Variants in HMGB2 observed in about 807,000 individuals in gnomAD.
HMGB2 encodes high mobility group protein B2.
HMGB2 carries 2 observed loss-of-function variants against 23.0 expected under a neutral mutation model. That is an observed-to-expected ratio of 0.09 (90% CI 0.04 to 0.27). The LOEUF is 0.27. HMGB2 is among the 10% of genes least tolerant of loss of function. HMGB2 has a pLI of 1.00. For missense variants in HMGB2, 178 were observed against 256.5 expected (o/e 0.69, Z 2.09); for synonymous variants, 99 against 87.5 (o/e 1.13, Z -0.73).
intron 4 of HMGB2, 139 bp downstream of exon 4, chr4:173,332,682 G>T: frequency 1.3e-6 from 1 of 755,006 alleles, no homozygotes; most frequent in Non-Finnish European, 2.2e-6. Context: ...ACCTTGTGTT[G>T]AAGTGTACAA....
rs1239748437 is a variant in HMGB2, at chr4:173,332,241, G to A, written c.472-3C>T. ...TTGGCACGATATGCAGCAATATCCT[G>A]AAATATTGTCAAAAAAATAAAGCAT... On this transcript the variant is annotated splice_region_variant and splice_polypyrimidine_tract_variant and intron_variant, in intron 4 of 4. Coordinates refer to ENST00000296503, the MANE Select transcript of HMGB2 (RefSeq NM_002129.4). 3 of 1,554,724 alleles carry A rather than the reference G, an allele frequency of 1.9e-6. No homozygotes were observed. Among genetic ancestry groups the A allele is most frequent in the African/African-American group, 2.8e-5 (2 of 72,202 alleles).
Position 173,333,492 on chromosome 4 carries a change from T to G in HMGB2, c.150+8A>C, listed in dbSNP as rs1738161690. 2 of 1,611,634 alleles carry G rather than the reference T, an allele frequency of 1.2e-6. No individual in the cohort carries two copies. Among genetic ancestry groups the G allele is most frequent in the East Asian group, 4.5e-5 (2 of 44,846 alleles). ...CACCCCCTGAGCTCCGTCCCTCTCCTGCCTCACCTTCCATCTCTCCGAACA... is the reference window on the plus strand; with the variant it reads ...CACCCCCTGAGCTCCGTCCCTCTCCGGCCTCACCTTCCATCTCTCCGAACA... On this transcript the variant is annotated splice_region_variant and intron_variant, in intron 2 of 4. Transcript: ENST00000296503. The surrounding 1 kb of genome is among the most constrained non-coding windows in gnomAD (Gnocchi z 4.6).
chr4:173,332,155 G>T lies in HMGB2; in HGVS notation c.555C>A (p.Asn185Lys). 1 of 1,611,230 alleles carries T rather than the reference G, an allele frequency of 6.2e-7. No individual in the cohort carries two copies. The highest frequency in any genetic ancestry group is 8.5e-7 in the Non-Finnish European group (1 of 1,178,360). Residue 185 changes from asparagine to lysine, a missense_variant, in exon 5 of 5, where the codon AAC (asparagine) becomes AAA (lysine). By Grantham distance (94) the Asn-to-Lys change is moderately conservative (BLOSUM62 0). Around this residue, in one of 3 missense-constraint regions of HMGB2, gnomAD observed 45 missense variants for 38.8 expected, o/e 1.16. Transcript: ENST00000296503. ...PGRPTGSKKK[N>K]EPEDEEEEEE... Reference sequence around the variant, plus strand: ...CCTCCTCCTCCTCATCTTCTGGTTCGTTCTTCTTCTTTGAGCCTGTTGGCC... The same window carrying T: ...CCTCCTCCTCCTCATCTTCTGGTTCTTTCTTCTTCTTTGAGCCTGTTGGCC...
intron 4 of HMGB2, 136 bp from the exon 5 acceptor site, chr4:173,332,374 G>A (rs1417967496): frequency 1.5e-6 from 1 of 651,822 alleles, no homozygotes; most frequent in African/African-American, 1.8e-5. Context: ...TAAGTTTTTA[G>A]AGCACTTATC....
Position 173,332,809 on chromosome 4 carries a change from A to G in HMGB2, c.471+12T>C, listed in dbSNP as rs1738140249. 1 of 1,603,512 alleles carries G rather than the reference A, an allele frequency of 6.2e-7. No homozygotes were observed. Among genetic ancestry groups the G allele is most frequent in the Non-Finnish European group, 8.5e-7 (1 of 1,176,194 alleles). On this transcript the variant is annotated intron_variant, in intron 4 of 4. Transcript: ENST00000296503. ...AGTCTTATCCACGGCTTTAAAAAAG[A>G]TGACACTGTACCTTTTCATATTTCT...
chr4:173,333,632 G>C lies in HMGB2; in HGVS notation c.18C>G (p.Pro6=). 1 of 1,613,982 alleles carries C rather than the reference G, an allele frequency of 6.2e-7. No individual in the cohort carries two copies. The highest frequency in any genetic ancestry group is 8.5e-7 in the Non-Finnish European group (1 of 1,179,868). Residue 6 remains proline (P), a synonymous_variant, in exon 2 of 5, where the codon CCC becomes CCG. Transcript: ENST00000296503. The surrounding 1 kb of genome is among the most constrained non-coding windows in gnomAD (Gnocchi z 4.6). ...AGGACATTTTGCCCCGCGGCTTGTT[G>C]GGGTCTCCTTTACCCATGTTGACAG... MGKGD[P]NKPRGKMSSY...
Position 173,332,951 on chromosome 4 carries a change from T to C in HMGB2, c.341A>G (p.Lys114Arg). The stretch of plus-strand genomic sequence containing the variant: ...AATGGATAGGCCAGGGTGTTCACTT[T>C]TGATCTTTGGGCGATGTTCAGAGCA... ...LFCSEHRPKI[K>R]SEHPGLSIGD... Residue 114 changes from lysine to arginine, a missense_variant, in exon 4 of 5, where the codon AAA (lysine) becomes AGA (arginine). By Grantham distance (26) the Lys-to-Arg change is conservative. This residue lies in a region of HMGB2 where 43 missense variants were observed against 103.3 expected (regional missense o/e 0.42). Transcript: ENST00000296503. The C allele has an allele frequency of 1.2e-6, 2 of 1,614,228 alleles. No homozygotes were observed. Among genetic ancestry groups the C allele is most frequent in the Non-Finnish European group, 1.7e-6 (2 of 1,180,038 alleles).
At position 173,332,246 on chromosome 4, in the gene HMGB2, ATT is replaced by A. The variant is rs1738120980; in HGVS notation, c.472-10_472-9del. 3 of 1,553,096 alleles carry A rather than the reference ATT, an allele frequency of 1.9e-6. No individual in the cohort carries two copies. The East Asian group carries it at 6.8e-5, about 35-fold the overall frequency. On this transcript the variant is annotated splice_polypyrimidine_tract_variant and intron_variant, in intron 4 of 4. Transcript: ENST00000296503. ...ACGATATGCAGCAATATCCTGAAAT[ATT>A]GTCAAAAAAATAAAGCATCCGGTAT...
rs1738108788 is a variant in HMGB2 at position 173,331,979 on chromosome 4, T to C, written c.*101A>G. 4 of 1,523,248 alleles carry C rather than the reference T, an allele frequency of 2.6e-6. No homozygotes were observed. The highest frequency in any genetic ancestry group is 4.6e-5 in the East Asian group (2 of 43,462). The allele number at this position is 1,523,248 out of a possible 1,614,324, so 94.4% of individuals were successfully genotyped here. ...TATACAAAAATCTGTACAGTTTTTA[T>C]ACTGAAGCTAGTATTGAGCTGCACT... is the stretch of plus-strand genomic sequence containing the variant. On this transcript the variant is annotated 3_prime_UTR_variant, in exon 5 of 5. Transcript: ENST00000296503.
chr4:173,332,814 A>C lies in HMGB2; in HGVS notation c.471+7T>G. On this transcript the variant is annotated splice_region_variant and intron_variant, in intron 4 of 4. Transcript: ENST00000296503. ...TATCCACGGCTTTAAAAAAGATGAC[A>C]CTGTACCTTTTCATATTTCTCCTTT... is the stretch of plus-strand genomic sequence containing the variant. 6.2e-7 allele frequency: 1 copy of C among 1,612,208 alleles called. No individual in the cohort carries two copies. The highest frequency in any genetic ancestry group is 8.5e-7 in the Non-Finnish European group (1 of 1,178,362).
rs1428228415 is a variant in HMGB2, at chr4:173,333,194, C to T, written c.171G>A (p.Lys57=). ...ERWKTMSAKE[K]SKFEDMAKSD... ...TTTTTGCCATATCTTCAAACTTCGA[C>T]TTCTCCTTTGCAGACATGGTCTGTG... The change falls in exon 3 of 5, where the codon AAG becomes AAA. Residue 57 remains lysine, a synonymous_variant. Coordinates refer to ENST00000296503, the MANE Select transcript of HMGB2 (RefSeq NM_002129.4). The surrounding 1 kb of genome is among the most constrained non-coding windows in gnomAD (Gnocchi z 4.6). 1.2e-6 allele frequency: 2 copies of T among 1,613,970 alleles called. No homozygotes were observed. The highest frequency in any genetic ancestry group is 1.7e-5 in the Admixed American group (1 of 59,982).
chr4:173,333,437 T>TC lies in HMGB2; in HGVS notation c.150+62_150+63insG. The TC allele has an allele frequency of 6.4e-7, 1 of 1,567,120 alleles. No homozygotes were observed. Among genetic ancestry groups the TC allele is most frequent in the South Asian group, 1.2e-5 (1 of 83,094 alleles). On this transcript the variant is annotated intron_variant, in intron 2 of 4. Coordinates refer to ENST00000296503, the MANE Select transcript of HMGB2 (RefSeq NM_002129.4). This position sits in a 1 kb window ranked among gnomAD's most constrained non-coding sequence, Gnocchi z 4.6. ...GCTCATGAGTTGCCTACTACCTGCC[T>TC]AAGGCCCTCCTAGCCGAAAACCACA...
Position 173,333,732 on chromosome 4 carries a change from G to A in HMGB2, c.-20-63C>T, listed in dbSNP as rs1055814057. On this transcript the variant is annotated intron_variant, in intron 1 of 4. Transcript: ENST00000296503. The surrounding 1 kb of genome is among the most constrained non-coding windows in gnomAD (Gnocchi z 4.6). Reference sequence around the variant, plus strand: ...TCGGCGCGGAGCCCGCAGCTGCCAGGGCGGGCGCTGGCGGGGCTCCGCTTC... The same window carrying A: ...TCGGCGCGGAGCCCGCAGCTGCCAGAGCGGGCGCTGGCGGGGCTCCGCTTC... 26 of 1,261,914 alleles carry A rather than the reference G, an allele frequency of 2.1e-5. No individual in the cohort carries two copies. The African/African-American group carries it at 3.3e-4, about 16-fold the overall frequency. The allele number at this position is 1,261,914 out of a possible 1,614,324, so 78.2% of individuals were successfully genotyped here. A position where few individuals can be genotyped will look rare whatever the true frequency, so the allele number is the denominator to read the frequency against.
At position 173,332,251 on chromosome 4, in the gene HMGB2, C is replaced by T. The variant is rs368598953; in HGVS notation, c.472-13G>A. 1.5e-5 allele frequency: 23 copies of T among 1,543,416 alleles called. No homozygotes were observed. The highest frequency in any genetic ancestry group is 1.8e-5 in the Non-Finnish European group (21 of 1,147,826). On this transcript the variant is annotated splice_polypyrimidine_tract_variant and intron_variant, in intron 4 of 4. Transcript: ENST00000296503. ...ATGCAGCAATATCCTGAAATATTGT[C>T]AAAAAAATAAAGCATCCGGTATCAT...
In HMGB2 at chr4:173,333,177, A is replaced by G. The variant is rs749316855; in HGVS notation, c.188T>C (p.Met63Thr). 2 of 1,613,964 alleles carry G rather than the reference A, an allele frequency of 1.2e-6. No individual in the cohort carries two copies. The highest frequency in any genetic ancestry group is 2.7e-5 in the African/African-American group (2 of 74,892). The change falls in exon 3 of 5, where the codon ATG becomes ACG. Residue 63 changes from methionine (M) to threonine (T), a missense_variant. Transcript: ENST00000296503. This position sits in a 1 kb window ranked among gnomAD's most constrained non-coding sequence, Gnocchi z 4.6. The part of the protein sequence containing the change: ...SAKEKSKFED[M>T]AKSDKARYDR... ...ATAGCGAGCTTTGTCACTTTTTGCC[A>G]TATCTTCAAACTTCGACTTCTCCTT...
chr4:173,333,868 T>TCCTCCTCCC lies in HMGB2; in HGVS notation c.-20-208_-20-200dup, dbSNP rs1738177636. On this transcript the variant is annotated intron_variant, in intron 1 of 4. Transcript: ENST00000296503. The surrounding 1 kb of genome is among the most constrained non-coding windows in gnomAD (Gnocchi z 4.6). ...GCCCCGGCGCACACCCTCCTCCTCCTCCTCCTCCCGGCCCGAGCGGCCGCG... is the reference window on the plus strand; with the variant it reads ...GCCCCGGCGCACACCCTCCTCCTCCTCCTCCTCCCCCTCCTCCCGGCCCGAGCGGCCGCG... 7.1e-6 allele frequency among the ~76,000 whole-genome samples: 1 copy of TCCTCCTCCC among 141,288 alleles called. No individual in the cohort carries two copies. Among genetic ancestry groups the TCCTCCTCCC allele is most frequent in the African/African-American group, 2.7e-5 (1 of 37,490 alleles). 92.7% of individuals were successfully genotyped at this position (141,288 alleles called of 152,430 possible).
At position 173,332,083 on chromosome 4, in the gene HMGB2, T is replaced by C. The variant is rs1738112235; in HGVS notation, c.627A>G (p.Glu209=). ...EDEEEEDEDE[E] ...CGCATCATTAAAGGATAGCCATTTA[T>C]TCTTCATCTTCATCCTCTTCCTCCT... Residue 209 remains glutamate (E), a synonymous_variant, in exon 5 of 5, where the codon GAA becomes GAG. Transcript: ENST00000296503. 2 of 1,613,676 alleles carry C rather than the reference T, an allele frequency of 1.2e-6. No homozygotes were observed. Among genetic ancestry groups the C allele is most frequent in the East Asian group, 4.5e-5 (2 of 44,868 alleles).
chr4:173,334,282 C>G lies in HMGB2; in HGVS notation c.-31G>C, dbSNP rs958406997. The G allele has an allele frequency of 1.3e-5, 2 of 152,402 alleles. No homozygotes were observed. Among genetic ancestry groups the G allele is most frequent in the African/African-American group, 4.8e-5 (2 of 41,460 alleles). 9.4% of individuals were successfully genotyped at this position (152,402 alleles called of 1,614,324 possible). A position where few individuals can be genotyped will look rare whatever the true frequency, so the allele number is the denominator to read the frequency against. On this transcript the variant is annotated 5_prime_UTR_variant, in exon 1 of 5. Coordinates refer to ENST00000296503, the MANE Select transcript of HMGB2 (RefSeq NM_002129.4). The stretch of plus-strand genomic sequence containing the variant: ...GGAGGGTATTCTTGCCTGGTGCGAG[C>G]TTTTCCTCAGAGTCCCGCAGAGCGG...
In HMGB2 at chr4:173,331,394, A is replaced by ATATATATATATATG. The variant is rs33987506; in HGVS notation, c.*685_*686insCATATATATATATA. On this transcript the variant is annotated 3_prime_UTR_variant, in exon 5 of 5. Coordinates refer to ENST00000296503, the MANE Select transcript of HMGB2 (RefSeq NM_002129.4). ...TATATACATATATATATATATATATATGTATATATATATACACACACCTGA... is the reference window on the plus strand; with the variant it reads ...TATATACATATATATATATATATATATATATATATATATGTGTATATATATATACACACACCTGA... 3.0e-3 allele frequency among the ~76,000 whole-genome samples: 411 copies of ATATATATATATATG among 138,712 alleles called. 7 individuals carry two copies. The highest frequency in any genetic ancestry group is 0.011 in the African/African-American group (381 of 34,252). 91.0% of individuals were successfully genotyped at this position (138,712 alleles called of 152,430 possible).
Sources: gnomAD v4.1 joint callset for allele counts (sites outside exome capture counted in the v4.1 genomes callset) on GRCh38, gnomAD v4.1.1 for gene constraint, gnomAD v4.1.1 regional missense constraint, Gnocchi (gnomAD v3.1) non-coding constraint, MANE v1.5 for transcripts, NCBI Gene and HGNC (gene_info 2026-07-23, HGNC 2026-07-21) for gene names.